COL23A1: variants seen among roughly 807,000 people sequenced by gnomAD.
COL23A1 encodes collagen alpha-1(XXIII) chain.
A neutral mutation model predicts 99.3 loss-of-function variants in COL23A1; 97 were observed. The observed-to-expected ratio is 0.98, with a 90% confidence interval of 0.83 to 1.16. COL23A1 has a LOEUF of 1.16. COL23A1 is among the 50% of genes most tolerant of loss of function. The pLI is 0.00. For missense variants in COL23A1, 762 were observed against 757.4 expected, an observed-to-expected ratio of 1.01 and a Z score of -0.07; for synonymous variants, 320 against 308.2, an observed-to-expected ratio of 1.04 and a Z score of -0.40.
chr5:178,517,048 C>T (rs1323403287), intron 2 of COL23A1, among the ~76,000 whole-genome samples: 11 of 152,112 alleles, frequency 7.2e-5, no homozygotes, highest in African/African-American at 2.2e-4. Context: ...CTCCAGGCTG[C>T]GGGGTGCTGC....
chr5:178,333,149 G>GCCAA (rs1760128530), intron 2 of COL23A1, among the ~76,000 whole-genome samples: 1 of 151,994 alleles, frequency 6.6e-6, no homozygotes, highest in Non-Finnish European at 1.5e-5. Flanking sequence ...ATAGAGACGG[G>GCCAA]GTTTCACCAT....
chr5:178,563,526 C>CG (rs1554197718), intron 1 of COL23A1, among the ~76,000 whole-genome samples: 3 of 83,212 alleles, frequency 3.6e-5, no homozygotes, highest in Non-Finnish European at 6.4e-5. Flanking sequence ...TCAGAACTCA[C>CG]TTTTTTTTTT....
At chr5:178,288,214 T>A (rs1051297317) in intron 5 of COL23A1, 110 bp downstream of exon 5, 12 of 978,960 alleles carry the variant, frequency 1.2e-5, no homozygotes, top group Admixed American at 1.2e-4. Flanking sequence ...CCACGGCTGC[T>A]GAGGAGCAGA....
At chr5:178,252,440 G>T in intron 17 of COL23A1, 104 bp downstream of exon 17, 5 of 1,115,982 alleles carry the variant, frequency 4.5e-6, no homozygotes, top group African/African-American at 1.6e-5. Context: ...GCCAGGCCAG[G>T]ACACCCGGAG....
chr5:178,489,168 G>A (rs1006183801), intron 2 of COL23A1, among the ~76,000 whole-genome samples: 1 of 152,186 alleles, frequency 6.6e-6, no homozygotes, highest in African/African-American at 2.4e-5. Context: ...AATGTGGGTG[G>A]GCACCACCCA....
At position 178,578,493 on chromosome 5, in the gene COL23A1, A is replaced by AT. The variant is rs533307134; in HGVS notation, c.294+11410dup. Among the ~76,000 whole-genome samples the AT allele has an allele frequency of 3.7e-3, 564 of 152,322 alleles. 1 individual carries two copies. The highest frequency in any genetic ancestry group is 5.6e-3 in the South Asian group (27 of 4,824). On this transcript the variant is annotated intron_variant, in intron 1 of 28. Coordinates refer to ENST00000390654, the MANE Select transcript of COL23A1 (RefSeq NM_173465.4). ...AGTCAAATCAATGAGCAGATCCGGCATTTTTTGTGTGATGTTCCTCCCGGG... is the reference window on the plus strand; with the variant it reads ...AGTCAAATCAATGAGCAGATCCGGCATTTTTTTGTGTGATGTTCCTCCCGGG...
At chr5:178,419,929 A>T (rs989174347) in intron 2 of COL23A1, among the ~76,000 whole-genome samples, 5 of 151,952 alleles carry the variant, frequency 3.3e-5, no homozygotes, top group Non-Finnish European at 7.4e-5. Flanking sequence ...GTGTCACTTT[A>T]CCCTTTTTGT....
At chr5:178,348,572 C>T (rs1437926747) in intron 2 of COL23A1, among the ~76,000 whole-genome samples, 2 of 152,234 alleles carry the variant, frequency 1.3e-5, no homozygotes, top group Non-Finnish European at 2.9e-5. Flanking sequence ...CAGCGGCTTC[C>T]CTGCTAACAA....
intron 2 of COL23A1, among the ~76,000 whole-genome samples, chr5:178,371,059 A>T (rs1321772494): frequency 6.6e-6 from 1 of 152,260 alleles, no homozygotes; most frequent in Non-Finnish European, 1.5e-5. Flanking sequence ...TGCTAAGTCC[A>T]TGAGCTAATG....
At chr5:178,455,263 G>T (rs946080702) in intron 2 of COL23A1, among the ~76,000 whole-genome samples, 2 of 152,196 alleles carry the variant, frequency 1.3e-5, no homozygotes, top group Non-Finnish European at 2.9e-5. Context: ...TCACGCACGG[G>T]CCTGCCCGTG....
intron 2 of COL23A1, among the ~76,000 whole-genome samples, chr5:178,529,145 ACT>A (rs1304931056): frequency 6.6e-6 from 1 of 151,614 alleles, no homozygotes; most frequent in African/African-American, 2.4e-5. Flanking sequence ...TCGTCCAAGG[ACT>A]CTCTCCATGT....
At chr5:178,568,749 C>A (rs1762951470) in intron 1 of COL23A1, among the ~76,000 whole-genome samples, 1 of 152,226 alleles carries the variant, frequency 6.6e-6, no homozygotes, top group Admixed American at 6.5e-5. Flanking sequence ...GACTCATGCA[C>A]ATTGGCGTGG....
intron 2 of COL23A1, among the ~76,000 whole-genome samples, chr5:178,325,555 C>T (rs1421565158): frequency 1.3e-5 from 2 of 151,730 alleles, no homozygotes; most frequent in Non-Finnish European, 2.9e-5. Context: ...GGACTTATGT[C>T]TTAGCCTTCC....
At chr5:178,581,037 G>A (rs1192083911) in intron 1 of COL23A1, among the ~76,000 whole-genome samples, 1 of 152,134 alleles carries the variant, frequency 6.6e-6, no homozygotes, top group Non-Finnish European at 1.5e-5. Flanking sequence ...ACACCAAACT[G>A]ATACAGGGGT....
intron 2 of COL23A1, among the ~76,000 whole-genome samples, chr5:178,403,877 G>A (rs969798084): frequency 1.6e-4 from 25 of 152,250 alleles, no homozygotes; most frequent in African/African-American, 6.0e-4. Context: ...GGCCCAGAAG[G>A]GCAGACCTGT....
At chr5:178,418,437 T>C (rs1170049419) in intron 2 of COL23A1, among the ~76,000 whole-genome samples, 1 of 152,196 alleles carries the variant, frequency 6.6e-6, no homozygotes, top group Non-Finnish European at 1.5e-5. Flanking sequence ...GATTCTGTTG[T>C]CCCCTTAGCA....
At chr5:178,250,278 A>ATG (rs1393046609) in intron 17 of COL23A1, among the ~76,000 whole-genome samples, 173 bp from the exon 18 acceptor site, 1 of 152,212 alleles carries the variant, frequency 6.6e-6, no homozygotes, top group Non-Finnish European at 1.5e-5. Context: ...TCACGAGCAG[A>ATG]TGTAGCCCAT....
intron 2 of COL23A1, chr5:178,377,870 G>A (rs2127731593): frequency 6.6e-6 from 1 of 152,598 alleles, no homozygotes; most frequent in African/African-American, 2.4e-5. Context: ...AGAAGACACT[G>A]GAGAAGCAGG....
At chr5:178,420,123 A>G (rs1765522094) in intron 2 of COL23A1, among the ~76,000 whole-genome samples, 1 of 152,206 alleles carries the variant, frequency 6.6e-6, no homozygotes, top group Admixed American at 6.5e-5. Flanking sequence ...AGCTGAACCA[A>G]GAACTGTTTT....
Sources: gnomAD v4.1 joint callset for allele counts (sites outside exome capture counted in the v4.1 genomes callset) on GRCh38, gnomAD v4.1.1 for gene constraint, MANE v1.5 for transcripts, NCBI Gene and HGNC (gene_info 2026-07-23, HGNC 2026-07-21) for gene names.